The following ZNF415 variants were observed in gnomAD, a reference collection of about 807,000 sequenced individuals.
The protein encoded by ZNF415 is zinc finger protein 415.
In ZNF415, 5 loss-of-function variants were observed where a neutral mutation model predicts 7.3. The ratio of observed to expected loss-of-function variants is 0.69; its 90% CI spans 0.36 to 1.44. The LOEUF (loss-of-function observed/expected upper bound fraction) is 1.44, where lower values mean the gene tolerates loss of function less well. Among genes scored for constraint, ZNF415 ranks in the 40% most tolerant of loss-of-function variants. The pLI is 0.04. For synonymous variants in ZNF415, 207 were observed against 226.3 expected (o/e 0.91, Z 0.77); for missense variants, 628 against 664.8 (o/e 0.94, Z 0.61).
chr19:53,109,280 T>C lies in ZNF415; in HGVS notation c.765A>G (p.Gln255=). 1.2e-6 allele frequency: 2 copies of C among 1,614,230 alleles called. No homozygotes were observed. The highest frequency in any genetic ancestry group is 1.1e-5 in the South Asian group (1 of 91,082). Residue 255 remains glutamine, a synonymous_variant, in exon 4 of 4, where the codon CAA becomes CAG. Transcript: ENST00000243643. ...KCDLCGKVFS[Q]KSNLARHWRV... is the part of the protein sequence containing the mutation. ...TCCAATGACGCGCAAGGTTTGATTT[T>C]TGACTAAAGACCTTGCCACACAGAT...
chr19:53,132,309 C>CG (rs1487353951), intron 1 of ZNF415, among the ~76,000 whole-genome samples: 1 of 151,924 alleles, frequency 6.6e-6, no homozygotes, highest in Non-Finnish European at 1.5e-5. Flanking sequence ...GCATTTTCCA[C>CG]GGGGTGGAGG....
chr19:53,127,126 T>C (rs144882343), intron 1 of ZNF415, among the ~76,000 whole-genome samples: 22,151 of 139,954 alleles, frequency 0.16, 1,442 homozygotes, highest in Non-Finnish European at 0.2. Flanking sequence ...AATCTTTCCC[T>C]TACTCTGGGA....
chr19:53,115,835 C>T (rs1188214011), intron 3 of ZNF415: 1 of 1,521,808 alleles, frequency 6.6e-7, no homozygotes, highest in Non-Finnish European at 8.9e-7. Context: ...GAATTTCCCG[C>T]TTATAAAATG....
intron 1 of ZNF415, among the ~76,000 whole-genome samples, chr19:53,125,727 C>T (rs927035786): frequency 9.2e-5 from 14 of 151,878 alleles, no homozygotes; most frequent in African/African-American, 1.2e-4. Flanking sequence ...ATCACGAGGT[C>T]GGGAGTTTGA....
In ZNF415 at chr19:53,108,540, C is replaced by T. The variant is rs1352492760; in HGVS notation, c.1505G>A (p.Gly502Asp). The T allele has an allele frequency of 5.6e-6, 9 of 1,614,104 alleles. No homozygotes were observed. In the East Asian group the frequency reaches 1.6e-4, roughly 28 times the overall value. ...GTTTGGGCGCACACTAAAGGATTTG[C>T]CACACTCATTACATTTGTAAGGTTT... ...GEKPYKCNEC[G>D]KSFSVRPNLT... Residue 502 changes from glycine (G) to aspartate (D), a missense_variant, in exon 4 of 4, where the codon GGC (glycine) becomes GAC (aspartate). Coordinates refer to ENST00000243643, the MANE Select transcript of ZNF415 (RefSeq NM_018355.4).
At chr19:53,116,469 G>C (rs1211619484) in intron 2 of ZNF415, 36 bp from the exon 3 acceptor site, 2 of 1,613,018 alleles carry the variant, frequency 1.2e-6, no homozygotes, top group Admixed American at 3.3e-5. Context: ...TCACCAAGAG[G>C]TTATGAAGGG....
intron 1 of ZNF415, chr19:53,129,723 T>C: frequency 2.5e-6 from 1 of 398,082 alleles, no homozygotes. Flanking sequence ...TGTCACGACC[T>C]GGAAGGGCCA....
At chr19:53,113,651 C>A (rs2146293482) in intron 3 of ZNF415, among the ~76,000 whole-genome samples, 1 of 151,962 alleles carries the variant, frequency 6.6e-6, no homozygotes, top group South Asian at 2.1e-4. Context: ...ACAAATTGAA[C>A]CCAGGCTGAA....
At chr19:53,120,811 C>A (rs1568578300) in intron 2 of ZNF415, among the ~76,000 whole-genome samples, 1 of 152,000 alleles carries the variant, frequency 6.6e-6, no homozygotes, top group South Asian at 2.1e-4. Context: ...CTTGGCTGGG[C>A]GCGGTGGCTC....
At chr19:53,121,003 G>C (rs2087912712) in intron 2 of ZNF415, among the ~76,000 whole-genome samples, 1 of 142,884 alleles carries the variant, frequency 7.0e-6, no homozygotes, top group South Asian at 2.3e-4. Flanking sequence ...AGAATTGCTT[G>C]AACCTGGGAG....
At chr19:53,116,101 C>T in intron 3 of ZNF415, 3 of 637,154 alleles carry the variant, frequency 4.7e-6, no homozygotes, top group South Asian at 2.0e-5. Flanking sequence ...TACTTCAGCT[C>T]TGGAACCACC....
intron 3 of ZNF415, chr19:53,115,675 G>C: frequency 6.7e-7 from 1 of 1,487,820 alleles, no homozygotes. Flanking sequence ...TAATGGTGTG[G>C]CTTCCTCTCC....
chr19:53,112,512 C>T (rs2086381975), intron 3 of ZNF415, among the ~76,000 whole-genome samples: 1 of 152,184 alleles, frequency 6.6e-6, no homozygotes, highest in African/African-American at 2.4e-5. Context: ...ACTTCCTACA[C>T]ATACTGATTT....
intron 3 of ZNF415, chr19:53,115,783 T>C (rs2086925150): frequency 6.4e-7 from 1 of 1,550,528 alleles, no homozygotes; most frequent in South Asian, 1.2e-5. Flanking sequence ...TCCAGGGCTC[T>C]TTCCTGTGCT....
rs753698659 is a variant in ZNF415 at position 53,109,870 on chromosome 19, G to C, written c.175C>G (p.Gln59Glu). Residue 59 changes from glutamine to glutamate, a missense_variant, in exon 4 of 4, where the codon CAA (glutamine) becomes GAA (glutamate). Physicochemically the swap from Gln to Glu is conservative, Grantham distance 29 (BLOSUM62 2). Transcript: ENST00000243643. Reference protein sequence around the residue: ...RNCVIKELAPQQEGNPGEVFH... With the variant: ...RNCVIKELAPEQEGNPGEVFH... ...ACTTCTCCTGGGTTACCTTCCTGTT[G>C]TGGTGCTAGTTCCTTGATTACACAG... is the stretch of plus-strand genomic sequence containing the variant. 1.2e-6 allele frequency: 2 copies of C among 1,607,004 alleles called. No individual in the cohort carries two copies. Among genetic ancestry groups the C allele is most frequent in the Admixed American group, 3.4e-5 (2 of 58,262 alleles).
Position 53,109,928 on chromosome 19 carries a change from T to G in ZNF415, c.137-20A>C. On this transcript the variant is annotated intron_variant, in intron 3 of 3. Transcript: ENST00000243643. ...ACAGATCTATAAGAAATGAAAACCA[T>G]AGGTTTCCAATTAATTAGAGACAGT... The G allele has an allele frequency of 1.3e-6, 2 of 1,527,614 alleles. No homozygotes were observed. Among genetic ancestry groups the G allele is most frequent in the Non-Finnish European group, 1.8e-6 (2 of 1,141,442 alleles). The allele number at this position is 1,527,614 out of a possible 1,614,324, so 94.6% of individuals were successfully genotyped here. A position where few individuals can be genotyped will look rare whatever the true frequency, so the allele number is the denominator to read the frequency against.
chr19:53,109,536 T>C lies in ZNF415; in HGVS notation c.509A>G (p.Asn170Ser). 1 of 1,614,056 alleles carries C rather than the reference T, an allele frequency of 6.2e-7. No homozygotes were observed. Among genetic ancestry groups the C allele is most frequent in the Non-Finnish European group, 8.5e-7 (1 of 1,179,970 alleles). The change falls in exon 4 of 4, where the codon AAC becomes AGC. Residue 170 changes from asparagine (N) to serine (S), a missense_variant. Coordinates refer to ENST00000243643, the MANE Select transcript of ZNF415 (RefSeq NM_018355.4). ...YECNHVEKSV[N>S]HGSSVSPPQI... ...GGGTGGTGAAACTGAGGAACCATGG[T>C]TGACAGACTTCTCAACATGGTTACA...
At position 53,108,547 on chromosome 19, in the gene ZNF415, C is replaced by T. The variant is rs759100361; in HGVS notation, c.1498G>A (p.Glu500Lys). 2 of 1,614,078 alleles carry T rather than the reference C, an allele frequency of 1.2e-6. No individual in the cohort carries two copies. The highest frequency in any genetic ancestry group is 1.7e-5 in the Admixed American group (1 of 60,026). ...CGCACACTAAAGGATTTGCCACACT[C>T]ATTACATTTGTAAGGTTTTTCTCCA... ...HTGEKPYKCNECGKSFSVRPN... is the reference protein window; with the variant it reads ...HTGEKPYKCNKCGKSFSVRPN... The change falls in exon 4 of 4, where the codon GAG (glutamate) becomes AAG (lysine). Residue 500 changes from glutamate (E) to lysine (K), a missense_variant. Coordinates refer to ENST00000243643, the MANE Select transcript of ZNF415 (RefSeq NM_018355.4).
chr19:53,110,888 C>G (rs1372305078), intron 3 of ZNF415, among the ~76,000 whole-genome samples: 1 of 152,174 alleles, frequency 6.6e-6, no homozygotes, highest in Non-Finnish European at 1.5e-5. Flanking sequence ...AACGCAATTC[C>G]CTACATATGC....
Sources: allele counts gnomAD v4.1 joint callset (sites outside exome capture counted in the v4.1 genomes callset), GRCh38; gene constraint gnomAD v4.1.1; transcripts MANE v1.5; gene names NCBI Gene and HGNC (gene_info 2026-07-23, HGNC 2026-07-21).